Variants in CNGA1 observed in about 807,000 individuals in gnomAD.
CNGA1 encodes cyclic nucleotide-gated channel alpha-1.
Under a neutral mutation model 69.7 loss-of-function variants are expected in CNGA1, and 53 were observed. That is an observed-to-expected ratio of 0.76 (90% CI 0.61 to 0.96). The LOEUF (loss-of-function observed/expected upper bound fraction) is 0.96, where lower values mean the gene tolerates loss of function less well. Among genes scored for constraint, CNGA1 ranks in the 40% least tolerant of loss-of-function variants. The probability of loss-of-function intolerance (pLI) is 0.00; values close to 1 mark genes in which losing one functional copy is unlikely to be tolerated. For synonymous variants in CNGA1, 249 were observed against 283.5 expected, an observed-to-expected ratio of 0.88 and a Z score of 1.22; for missense variants, 739 against 811.2, an observed-to-expected ratio of 0.91 and a Z score of 1.08.
At chr4:47,970,650 T>TAAA (rs35223454) in intron 3 of CNGA1, among the ~76,000 whole-genome samples, 80 of 141,340 alleles carry the variant, frequency 5.7e-4, no homozygotes, top group South Asian at 1.8e-3. Context: ...AAAACTCCAT[T>TAAA]AAAAAAAAAA....
At chr4:47,955,703 C>G (rs1740048504) in intron 3 of CNGA1, among the ~76,000 whole-genome samples, 1 of 152,188 alleles carries the variant, frequency 6.6e-6, no homozygotes, top group Non-Finnish European at 1.5e-5. Flanking sequence ...CGCCCTTGAC[C>G]TAGGTAATTG....
At chr4:47,984,751 C>T (rs571251790) in intron 2 of CNGA1, among the ~76,000 whole-genome samples, 128 of 151,106 alleles carry the variant, frequency 8.5e-4, no homozygotes, top group Non-Finnish European at 1.6e-3. Flanking sequence ...TTTAATTACC[C>T]AATTTGGATC....
chr4:47,937,864 C>T, intron 10 of CNGA1, 35 bp from the exon 11 acceptor site: 1 of 1,508,106 alleles, frequency 6.6e-7, no homozygotes, highest in Non-Finnish European at 9.2e-7. Context: ...CAGTGTTTCT[C>T]CTTTTTATGT....
intron 3 of CNGA1, among the ~76,000 whole-genome samples, chr4:47,968,998 A>G (rs1740874556): frequency 6.6e-6 from 1 of 152,188 alleles, no homozygotes; most frequent in South Asian, 2.1e-4. Flanking sequence ...TCTTCTTTCT[A>G]CATGAAGTGA....
intron 1 of CNGA1, among the ~76,000 whole-genome samples, chr4:48,011,838 G>A (rs1715180506): frequency 6.6e-6 from 1 of 152,146 alleles, no homozygotes; most frequent in Admixed American, 6.5e-5. Context: ...TCATAGAAAG[G>A]GAATGTTCGG....
At chr4:47,944,425 C>T (rs1047165061) in intron 6 of CNGA1, among the ~76,000 whole-genome samples, 1 of 152,124 alleles carries the variant, frequency 6.6e-6, no homozygotes. Context: ...TATGGGAGTA[C>T]ACTTCTATTC....
intron 3 of CNGA1, among the ~76,000 whole-genome samples, chr4:47,958,004 C>T (rs911143509): frequency 8.6e-5 from 13 of 150,932 alleles, no homozygotes; most frequent in Non-Finnish European, 1.8e-4. Context: ...AAGTGATTCT[C>T]CTGCCTCAAC....
chr4:47,991,379 C>T (rs145684085), intron 2 of CNGA1, among the ~76,000 whole-genome samples: 24 of 152,230 alleles, frequency 1.6e-4, no homozygotes, highest in East Asian at 7.7e-4. Context: ...TATTGCATTT[C>T]GCATTGTGGT....
At chr4:47,945,868 A>G (rs1329343474) in intron 6 of CNGA1, among the ~76,000 whole-genome samples, 1 of 152,202 alleles carries the variant, frequency 6.6e-6, no homozygotes, top group Non-Finnish European at 1.5e-5. Context: ...TCAACCAAGT[A>G]GTAGCCCCAA....
intron 6 of CNGA1, among the ~76,000 whole-genome samples, chr4:47,947,385 A>G (rs1188800558): frequency 1.3e-5 from 2 of 152,168 alleles, no homozygotes; most frequent in Non-Finnish European, 2.9e-5. Flanking sequence ...GGAAAAAGAA[A>G]TAGCCCAGAC....
intron 3 of CNGA1, among the ~76,000 whole-genome samples, chr4:47,964,716 T>A (rs1477530513): frequency 6.6e-6 from 1 of 152,102 alleles, no homozygotes; most frequent in Non-Finnish European, 1.5e-5. Flanking sequence ...CCTTTCCAAC[T>A]ATAGAGATTT....
chr4:47,936,398 T>C lies in CNGA1; in HGVS notation c.*23A>G. The C allele has an allele frequency of 1.2e-6, 2 of 1,611,960 alleles. No homozygotes were observed. The highest frequency in any genetic ancestry group is 1.7e-6 in the Non-Finnish European group (2 of 1,178,030). On this transcript the variant is annotated 3_prime_UTR_variant, in exon 11 of 11. Coordinates refer to ENST00000514170, the MANE Select transcript of CNGA1 (RefSeq NM_001379270.1). ...TCAAAAGGATCATGAGGCATGTCCC[T>C]GTTAATGACCAGCTTTTCGGTTCTA... is the stretch of plus-strand genomic sequence containing the variant.
In CNGA1 at chr4:47,943,301, A is replaced by G. The variant is rs771001514; in HGVS notation, c.330-13T>C. Reference sequence around the variant, plus strand: ...ATCATCTGACTTGCTGAAAAAATTAAGCAAGTAGTATTAAAATACAGAAAT... The same window carrying G: ...ATCATCTGACTTGCTGAAAAAATTAGGCAAGTAGTATTAAAATACAGAAAT... On this transcript the variant is annotated splice_polypyrimidine_tract_variant and intron_variant, in intron 7 of 10. Coordinates refer to ENST00000514170, the MANE Select transcript of CNGA1 (RefSeq NM_001379270.1). 1 of 1,544,434 alleles carries G rather than the reference A, an allele frequency of 6.5e-7. No individual in the cohort carries two copies. The highest frequency in any genetic ancestry group is 1.4e-5 in the African/African-American group (1 of 72,832).
intron 2 of CNGA1, among the ~76,000 whole-genome samples, chr4:48,010,549 C>T (rs145843917): frequency 5.8e-4 from 89 of 152,284 alleles, no homozygotes; most frequent in African/African-American, 2.0e-3. Flanking sequence ...TGGCAAGCCT[C>T]GTGTTCTCTG....
chr4:47,963,289 AT>A (rs767768714), intron 3 of CNGA1, among the ~76,000 whole-genome samples: 10 of 152,216 alleles, frequency 6.6e-5, no homozygotes, highest in Non-Finnish European at 8.8e-5. Flanking sequence ...TGCTGGTATT[AT>A]TTGGTTTATA....
intron 5 of CNGA1, among the ~76,000 whole-genome samples, chr4:47,950,319 T>C (rs886835885): frequency 2.6e-5 from 4 of 152,222 alleles, no homozygotes; most frequent in African/African-American, 2.4e-5. Flanking sequence ...CTGCACATGC[T>C]CTCTTGCCTG....
rs1738672109 is a variant in CNGA1, at chr4:47,936,788, C to A, written c.1694G>T (p.Gly565Val). 1 of 1,613,998 alleles carries A rather than the reference C, an allele frequency of 6.2e-7. No homozygotes were observed. Among genetic ancestry groups the A allele is most frequent in the Non-Finnish European group, 8.5e-7 (1 of 1,180,026 alleles). Reference sequence around the variant, plus strand: ...TGAGAGACAGAACAGGTCTGAGTAGCCAATACTTTTAATATTGGCCGTTCT... The same window carrying A: ...TGAGAGACAGAACAGGTCTGAGTAGACAATACTTTTAATATTGGCCGTTCT... ...NRRTANIKSI[G>V]YSDLFCLSKD... Residue 565 changes from glycine to valine, a missense_variant, in exon 11 of 11, where the codon GGC becomes GTC. Physicochemically the swap from Gly to Val is moderately radical, Grantham distance 109 (BLOSUM62 -3). Transcript: ENST00000514170.
At chr4:48,001,268 C>A (rs1444812522) in intron 2 of CNGA1, among the ~76,000 whole-genome samples, 1 of 152,110 alleles carries the variant, frequency 6.6e-6, no homozygotes, top group Non-Finnish European at 1.5e-5. Flanking sequence ...GAGTTCGAGA[C>A]CAGCCTGTTC....
At chr4:47,975,349 A>C (rs1436248526) in intron 3 of CNGA1, among the ~76,000 whole-genome samples, 1 of 152,222 alleles carries the variant, frequency 6.6e-6, no homozygotes, top group Non-Finnish European at 1.5e-5. Flanking sequence ...AAGAAAATCC[A>C]GTACTTGCTC....
Sources: gnomAD v4.1 joint callset for allele counts (sites outside exome capture counted in the v4.1 genomes callset) on GRCh38, gnomAD v4.1.1 for gene constraint, MANE v1.5 for transcripts, NCBI Gene and HGNC (gene_info 2026-07-23, HGNC 2026-07-21) for gene names.